CELF2: variants seen among roughly 807,000 people sequenced by gnomAD.
CELF2 encodes the protein CUG triplet repeat RNA-binding protein 2.
Under a neutral mutation model 62.6 loss-of-function variants are expected in CELF2, and 8 were observed. That is an observed-to-expected ratio of 0.13 (90% CI 0.07 to 0.23). The LOEUF is 0.23. Among genes scored for constraint, CELF2 ranks in the 10% least tolerant of loss-of-function variants. The pLI is 1.00. For synonymous variants in CELF2, 258 were observed against 250.0 expected (o/e 1.03, Z -0.30); for missense variants, 333 against 671.0 (o/e 0.50, Z 5.56).
chr10:11,043,459 T>C (rs2062203616), intron 1 of CELF2, among the ~76,000 whole-genome samples: 1 of 152,204 alleles, frequency 6.6e-6, no homozygotes. Flanking sequence ...TCCAGTTGTG[T>C]GTTTCTAGCC....
At chr10:10,877,629 G>C (rs1300486173) in intron 1 of CELF2, among the ~76,000 whole-genome samples, 1 of 152,198 alleles carries the variant, frequency 6.6e-6, no homozygotes, top group Non-Finnish European at 1.5e-5. Context: ...TGGGGGCCCT[G>C]AGATTTATTT....
intron 9 of CELF2, among the ~76,000 whole-genome samples, chr10:11,293,802 T>C (rs1219922835): frequency 6.6e-6 from 1 of 152,196 alleles, no homozygotes; most frequent in Non-Finnish European, 1.5e-5. Flanking sequence ...TGTTTGTTTT[T>C]TTTTAAATTC....
Position 11,314,299 on chromosome 10 carries a change from C to G in CELF2, c.1096+41C>G, listed in dbSNP as rs2094769581. The G allele has an allele frequency of 1.2e-6, 2 of 1,613,296 alleles. No homozygotes were observed. The highest frequency in any genetic ancestry group is 8.5e-7 in the Non-Finnish European group (1 of 1,179,352). ...AGTATTTGCTGCTCTGGTGGACAGC[C>G]TTCCCCCAAATTCTCCACAGAAAGT... On this transcript the variant is annotated intron_variant, in intron 10 of 12. Coordinates refer to ENST00000633077, the MANE Select transcript of CELF2 (RefSeq NM_001326342.2). This position sits in a 1 kb window ranked among gnomAD's most constrained non-coding sequence, Gnocchi z 5.3.
intron 1 of CELF2, among the ~76,000 whole-genome samples, chr10:10,815,346 G>C (rs902767833): frequency 6.6e-6 from 1 of 152,064 alleles, no homozygotes; most frequent in Non-Finnish European, 1.5e-5. Flanking sequence ...TGCAGGAAAG[G>C]AGGAAATGGT....
At chr10:10,980,791 C>CA (rs935432591) in intron 2 of CELF2, among the ~76,000 whole-genome samples, 2 of 152,142 alleles carry the variant, frequency 1.3e-5, no homozygotes, top group African/African-American at 4.8e-5. Context: ...TTTATTCTTT[C>CA]TTTTTTTCCT....
chr10:11,020,505 T>A (rs977435583), intron 1 of CELF2, among the ~76,000 whole-genome samples: 3 of 152,210 alleles, frequency 2.0e-5, no homozygotes, highest in African/African-American at 7.2e-5. Context: ...ATTCACCCAG[T>A]TGAGAAGATA....
Position 11,300,399 on chromosome 10 carries a change from C to T in CELF2, c.976+11847C>T, listed in dbSNP as rs2093606646. 6.6e-6 allele frequency among the ~76,000 whole-genome samples: 1 copy of T among 152,174 alleles called. No homozygotes were observed. Among genetic ancestry groups the T allele is most frequent in the Non-Finnish European group, 1.5e-5 (1 of 68,028 alleles). ...CACCAAGCCAGGTGGCATCAGCTTCCTTGGGAAGCAGAACTGGCAGCAGAA... is the reference window on the plus strand; with the variant it reads ...CACCAAGCCAGGTGGCATCAGCTTCTTTGGGAAGCAGAACTGGCAGCAGAA... On this transcript the variant is annotated intron_variant, in intron 9 of 12. Coordinates refer to ENST00000633077, the MANE Select transcript of CELF2 (RefSeq NM_001326342.2). The surrounding 1 kb of genome is among the most constrained non-coding windows in gnomAD (Gnocchi z 5.5).
At chr10:11,005,286 GAGA>G (rs2055022847), upstream of CELF2, 3 of 1,594,202 alleles carry the variant, frequency 1.9e-6, no homozygotes, top group South Asian at 3.4e-5. The surrounding 1 kb of genome is among the most constrained non-coding windows in gnomAD (Gnocchi z 4.3). Context: ...GAGAGAGAGA[GAGA>G]GAGAGGGAGG....
Position 11,217,575 on chromosome 10 carries a change from C to A in CELF2, c.354+68C>A. The A allele has an allele frequency of 8.2e-7, 1 of 1,214,392 alleles. No individual in the cohort carries two copies. Among genetic ancestry groups the A allele is most frequent in the South Asian group, 1.3e-5 (1 of 78,636 alleles). The allele number at this position is 1,214,392 out of a possible 1,614,324, so 75.2% of individuals were successfully genotyped here. ...AAAATGGTCCTTTCAACTGAAGGTT[C>A]TAGTTATGGGCTCTTAGTGCCAAAA... On this transcript the variant is annotated intron_variant, in intron 3 of 12. Coordinates refer to ENST00000633077, the MANE Select transcript of CELF2 (RefSeq NM_001326342.2). This position sits in a 1 kb window ranked among gnomAD's most constrained non-coding sequence, Gnocchi z 5.6.
chr10:10,676,292 T>G, the CELF2 span, among the ~76,000 whole-genome samples: 1 of 152,186 alleles, frequency 6.6e-6, no homozygotes, highest in Admixed American at 6.5e-5. Flanking sequence ...AATGGGTATT[T>G]CCCTCTCCCA....
chr10:10,836,088 A>G (rs1216304783), intron 1 of CELF2, among the ~76,000 whole-genome samples: 1 of 152,234 alleles, frequency 6.6e-6, no homozygotes, highest in African/African-American at 2.4e-5. Flanking sequence ...AGCTGTGTCT[A>G]TAAGAGTGGA....
At chr10:10,893,988 T>C (rs974779316) in intron 1 of CELF2, among the ~76,000 whole-genome samples, 2 of 152,168 alleles carry the variant, frequency 1.3e-5, no homozygotes, top group African/African-American at 4.8e-5. Context: ...TCTTCATGGT[T>C]TCTGGAATCA....
chr10:10,737,578 C>T, the CELF2 span, among the ~76,000 whole-genome samples: 16 of 152,176 alleles, frequency 1.1e-4, 1 homozygote, highest in South Asian at 3.3e-3. Context: ...TTTGGAAAGC[C>T]TCCAGCAAGG....
At chr10:10,815,653 A>G (rs2056385899) in intron 1 of CELF2, among the ~76,000 whole-genome samples, 1 of 152,206 alleles carries the variant, frequency 6.6e-6, no homozygotes, top group Non-Finnish European at 1.5e-5. Context: ...AGCTCTCTCC[A>G]GAGGATAAAG....
chr10:11,026,309 C>T (rs1017111617), intron 1 of CELF2, among the ~76,000 whole-genome samples: 3 of 152,100 alleles, frequency 2.0e-5, no homozygotes, highest in African/African-American at 7.2e-5. Flanking sequence ...AAAAGGTGAA[C>T]GTTACAGCAG....
chr10:10,878,612 C>T (rs2061258067), intron 1 of CELF2, among the ~76,000 whole-genome samples: 1 of 152,182 alleles, frequency 6.6e-6, no homozygotes, highest in Non-Finnish European at 1.5e-5. Context: ...CCACTTCAGC[C>T]TCAGTCCTCT....
chr10:10,749,764 G>A, the CELF2 span, among the ~76,000 whole-genome samples: 2,151 of 152,280 alleles, frequency 0.014, 54 homozygotes, highest in African/African-American at 0.049. Flanking sequence ...AAATGTTCAT[G>A]ATTGTTATCA....
the CELF2 span, among the ~76,000 whole-genome samples, chr10:10,576,330 CT>C: frequency 2.0e-5 from 3 of 151,904 alleles, no homozygotes; most frequent in Non-Finnish European, 2.9e-5. Flanking sequence ...TTTTGGAGTC[CT>C]TTTTTTTAAA....
chr10:10,470,168 C>T, the CELF2 span, among the ~76,000 whole-genome samples: 1 of 151,824 alleles, frequency 6.6e-6, no homozygotes, highest in Non-Finnish European at 1.5e-5. Flanking sequence ...GGATACTCAA[C>T]CTTCATGGCC....
Sources: allele counts gnomAD v4.1 joint callset (sites outside exome capture counted in the v4.1 genomes callset), GRCh38; gene constraint gnomAD v4.1.1; non-coding constraint Gnocchi (gnomAD v3.1); transcripts MANE v1.5; gene names NCBI Gene and HGNC (gene_info 2026-07-23, HGNC 2026-07-21).